Variants in CSMD1 observed in about 807,000 individuals in gnomAD.
CSMD1 encodes CUB and sushi domain-containing protein 1.
CSMD1 carries 213 observed loss-of-function variants against 417.5 expected under a neutral mutation model. That is an observed-to-expected ratio of 0.51 (90% CI 0.46 to 0.57). CSMD1 has a LOEUF of 0.57. Ranked by LOEUF, CSMD1 falls within the 20% of genes least tolerant of loss-of-function variation. The probability of loss-of-function intolerance (pLI) is 0.00; values close to 1 mark genes in which losing one functional copy is unlikely to be tolerated. For missense variants in CSMD1, 6,923 were observed against 4,529.7 expected (o/e 1.53, Z -15.17); for synonymous variants, 2,862 against 1,736.8 (o/e 1.65, Z -16.11).
intron 2 of CSMD1, among the ~76,000 whole-genome samples, chr8:4,425,192 G>C (rs1424870823): frequency 1.3e-5 from 2 of 151,908 alleles, no homozygotes; most frequent in African/African-American, 4.8e-5. Flanking sequence ...GATTACGAAG[G>C]GGTGTGGTCA....
chr8:4,078,468 G>C (rs899860751), intron 3 of CSMD1, among the ~76,000 whole-genome samples: 2 of 151,722 alleles, frequency 1.3e-5, no homozygotes, highest in African/African-American at 4.8e-5. Flanking sequence ...GTGCCACCAT[G>C]TTAGCCAGGA....
chr8:4,003,599 C>T (rs953639063), intron 4 of CSMD1, among the ~76,000 whole-genome samples: 21 of 152,120 alleles, frequency 1.4e-4, no homozygotes, highest in African/African-American at 4.6e-4. Flanking sequence ...TAAAACAACA[C>T]TGAAATGCCT....
intron 2 of CSMD1, among the ~76,000 whole-genome samples, chr8:4,480,589 C>T (rs1032206373): frequency 5.9e-5 from 9 of 152,176 alleles, no homozygotes; most frequent in Non-Finnish European, 8.8e-5. Flanking sequence ...TTTAGCTTCA[C>T]CTTACAAAAC....
At chr8:3,382,972 C>T (rs1195522515) in intron 18 of CSMD1, among the ~76,000 whole-genome samples, 1 of 152,156 alleles carries the variant, frequency 6.6e-6, no homozygotes, top group East Asian at 1.9e-4. Flanking sequence ...GGCATGGCCA[C>T]TTAAACGCTG....
At chr8:3,505,916 C>T (rs946409059) in intron 10 of CSMD1, among the ~76,000 whole-genome samples, 3 of 152,046 alleles carry the variant, frequency 2.0e-5, no homozygotes, top group Non-Finnish European at 2.9e-5. Flanking sequence ...AGGTTCTTTA[C>T]AAATACACTA....
intron 1 of CSMD1, among the ~76,000 whole-genome samples, chr8:4,888,318 A>G (rs953510626): frequency 2.0e-5 from 3 of 152,084 alleles, no homozygotes; most frequent in Non-Finnish European, 4.4e-5. Context: ...CCCTGGAGGT[A>G]ACCATTATCA....
chr8:4,815,419 G>A (rs919706031), intron 1 of CSMD1, among the ~76,000 whole-genome samples: 2 of 152,002 alleles, frequency 1.3e-5, no homozygotes, highest in Non-Finnish European at 2.9e-5. Context: ...AAAGGAACCG[G>A]GCTTATTGGC....
chr8:4,178,028 T>G (rs1044109588), intron 3 of CSMD1, among the ~76,000 whole-genome samples: 1 of 152,170 alleles, frequency 6.6e-6, no homozygotes, highest in African/African-American at 2.4e-5. Flanking sequence ...CCATTCCTTC[T>G]GAAACTATTC....
At chr8:3,576,748 G>C (rs1400378802) in intron 9 of CSMD1, among the ~76,000 whole-genome samples, 1 of 152,122 alleles carries the variant, frequency 6.6e-6, no homozygotes, top group African/African-American at 2.4e-5. Flanking sequence ...TCTCTAATGA[G>C]TCTGTTTTAA....
intron 68 of CSMD1, among the ~76,000 whole-genome samples, chr8:2,942,868 A>G (rs1801985332): frequency 6.6e-6 from 1 of 152,230 alleles, no homozygotes; most frequent in Non-Finnish European, 1.5e-5. Flanking sequence ...AAGGGTCAGT[A>G]TACATCCTGA....
intron 2 of CSMD1, among the ~76,000 whole-genome samples, chr8:4,453,748 G>T (rs1799293784): frequency 6.6e-6 from 1 of 150,438 alleles, no homozygotes; most frequent in South Asian, 2.1e-4. Context: ...CGTAATTCCG[G>T]GTCCCCATTT....
intron 3 of CSMD1, among the ~76,000 whole-genome samples, chr8:4,215,072 C>T (rs75806680): frequency 0.012 from 1,851 of 152,174 alleles, 54 homozygotes; most frequent in South Asian, 0.059. Flanking sequence ...ATGGAACCAA[C>T]GAAATACAAA....
chr8:3,549,663 A>C lies in CSMD1; in HGVS notation c.1344+25282T>G, dbSNP rs73658182. Among the ~76,000 whole-genome samples the C allele has an allele frequency of 9.0e-3, 1,366 of 152,276 alleles. 20 individuals carry two copies. The highest frequency in any genetic ancestry group is 0.031 in the African/African-American group (1,307 of 41,550). The stretch of plus-strand genomic sequence containing the variant: ...AGCATGATGGGAGAAATCTAGGAGA[A>C]ATCTAGCTAGCCCCCTTCAACACTG... On this transcript the variant is annotated intron_variant, in intron 10 of 69. Transcript: ENST00000635120.
intron 3 of CSMD1, among the ~76,000 whole-genome samples, chr8:4,093,816 C>T (rs1181284001): frequency 6.6e-6 from 1 of 152,024 alleles, no homozygotes; most frequent in African/African-American, 2.4e-5. Context: ...CAAAAAGTAG[C>T]TGGGTGTGGT....
intron 12 of CSMD1, among the ~76,000 whole-genome samples, chr8:3,426,558 C>T (rs957120884): frequency 2.6e-5 from 4 of 152,174 alleles, no homozygotes; most frequent in Admixed American, 2.0e-4. Context: ...TATTAAACAC[C>T]AGGACAGATG....
chr8:3,480,530 A>G lies in CSMD1; in HGVS notation c.1449-11706T>C, dbSNP rs1817683573. 2.0e-5 allele frequency among the ~76,000 whole-genome samples: 3 copies of G among 152,330 alleles called. No homozygotes were observed. The South Asian group carries it at 6.2e-4, about 32-fold the overall frequency. On this transcript the variant is annotated intron_variant, in intron 11 of 69. Coordinates refer to ENST00000635120, the MANE Select transcript of CSMD1 (RefSeq NM_033225.6). ...GGTGTTGAAATTATTTAAAAAAATA[A>G]TTGCTGAAAACTTACCAAATTTGGC...
chr8:4,961,944 T>C (rs758728846), intron 1 of CSMD1, among the ~76,000 whole-genome samples: 4 of 152,102 alleles, frequency 2.6e-5, no homozygotes, highest in East Asian at 1.9e-4. Context: ...ACATTTGTTA[T>C]TGTCTGCAGA....
At chr8:4,272,596 G>C (rs368406319) in intron 3 of CSMD1, among the ~76,000 whole-genome samples, 2 of 152,138 alleles carry the variant, frequency 1.3e-5, no homozygotes, top group East Asian at 3.9e-4. Flanking sequence ...TTTGAAGGCA[G>C]GGCTTTTATG....
chr8:4,620,822 T>C (rs2616978), intron 2 of CSMD1, among the ~76,000 whole-genome samples: 72,741 of 151,442 alleles, frequency 0.48, 18,316 homozygotes, highest in African/African-American at 0.64. Context: ...GACTTTATAT[T>C]CCACTTAACT....
Sources: gnomAD v4.1 joint callset for allele counts (sites outside exome capture counted in the v4.1 genomes callset) on GRCh38, gnomAD v4.1.1 for gene constraint, MANE v1.5 for transcripts, NCBI Gene and HGNC (gene_info 2026-07-23, HGNC 2026-07-21) for gene names.